MICU3: variants seen among roughly 807,000 people sequenced by gnomAD.
MICU3 encodes the protein calcium uptake protein 3, mitochondrial.
In MICU3, 62 loss-of-function variants were observed where a neutral mutation model predicts 66.5. That is an observed-to-expected ratio of 0.93 (90% confidence interval 0.76 to 1.15). MICU3 has a LOEUF of 1.15. MICU3 is among the 50% of genes most tolerant of loss of function. The pLI, the probability that MICU3 is intolerant of heterozygous loss-of-function variation, is 0.00. For synonymous variants in MICU3, 308 were observed against 240.7 expected, an observed-to-expected ratio of 1.28 and a Z score of -2.59; for missense variants, 779 against 664.4, an observed-to-expected ratio of 1.17 and a Z score of -1.90.
At chr8:17,059,308 T>C (rs906130353) in intron 1 of MICU3, among the ~76,000 whole-genome samples, 2 of 152,198 alleles carry the variant, frequency 1.3e-5, no homozygotes, top group Non-Finnish European at 2.9e-5. Flanking sequence ...CCATTCTAAC[T>C]CTAAACTCAT....
intron 1 of MICU3, among the ~76,000 whole-genome samples, chr8:17,057,372 A>G (rs1817105546): frequency 6.6e-6 from 1 of 152,082 alleles, no homozygotes. Context: ...ATAACAGGCG[A>G]CACCCTGATC....
At chr8:17,039,330 T>C (rs865838073) in intron 1 of MICU3, among the ~76,000 whole-genome samples, 2 of 152,200 alleles carry the variant, frequency 1.3e-5, no homozygotes, top group Non-Finnish European at 2.9e-5. Context: ...AGTATGCCTG[T>C]AAATGGAGAA....
intron 3 of MICU3, among the ~76,000 whole-genome samples, chr8:17,073,880 G>A (rs1394947868): frequency 6.6e-6 from 1 of 152,154 alleles, no homozygotes; most frequent in African/African-American, 2.4e-5. Flanking sequence ...AGAAAACAAG[G>A]TTGAGTAAAA....
At chr8:17,114,455 A>G (rs910676419) in intron 12 of MICU3, among the ~76,000 whole-genome samples, 16 of 152,266 alleles carry the variant, frequency 1.1e-4, no homozygotes, top group African/African-American at 3.6e-4. Context: ...CCCTGTTCTT[A>G]CAGGGTGGTA....
Position 17,027,426 on chromosome 8 carries a change from G to A in MICU3, c.147G>A (p.Glu49=). The change falls in exon 1 of 15, where the codon GAG becomes GAA. Residue 49 remains glutamate (E), a synonymous_variant. Transcript: ENST00000318063. The part of the protein sequence containing the change: ...PGRPFSSRED[E]ERAVAEAAWR... Reference sequence around the variant, plus strand: ...GGCCCTTCTCCTCCCGAGAGGATGAGGAGAGGGCTGTGGCGGAGGCGGCAT... The same window carrying A: ...GGCCCTTCTCCTCCCGAGAGGATGAAGAGAGGGCTGTGGCGGAGGCGGCAT... 1 of 1,349,880 alleles carries A rather than the reference G, an allele frequency of 7.4e-7. No homozygotes were observed. Among genetic ancestry groups the A allele is most frequent in the South Asian group, 2.1e-5 (1 of 48,374 alleles). The allele number at this position is 1,349,880 out of a possible 1,614,324, so 83.6% of individuals were successfully genotyped here. A position where few individuals can be genotyped will look rare whatever the true frequency, so the allele number is the denominator to read the frequency against.
intron 2 of MICU3, among the ~76,000 whole-genome samples, chr8:17,066,072 CTT>C (rs202172944): frequency 4.1e-5 from 6 of 145,252 alleles, no homozygotes; most frequent in Admixed American, 1.4e-4. Context: ...AAGTAGAGTT[CTT>C]TTTTTTTTTA....
chr8:17,124,127 A>G (rs1803341442), downstream of MICU3, among the ~76,000 whole-genome samples: 1 of 152,064 alleles, frequency 6.6e-6, no homozygotes, highest in Non-Finnish European at 1.5e-5. Context: ...CCTACAATGG[A>G]AAAGAAGGAT....
intron 9 of MICU3, among the ~76,000 whole-genome samples, chr8:17,098,889 C>T (rs1238191211): frequency 6.6e-6 from 1 of 151,640 alleles, no homozygotes; most frequent in Non-Finnish European, 1.5e-5. Flanking sequence ...ATACCTGACT[C>T]TTCAGAGTTA....
In MICU3 at chr8:17,105,584, G is replaced by A; in HGVS notation, c.1257G>A (p.Lys419=). Residue 419 remains lysine (K), a splice_region_variant and synonymous_variant, in exon 11 of 15, where the codon AAG becomes AAA. Coordinates refer to ENST00000318063, the MANE Select transcript of MICU3 (RefSeq NM_181723.3). The part of the protein sequence containing the change: ...ENVRYSIPEE[K]GITFDEFRSF... ...TGCGTTACAGTATACCTGAAGAAAA[G>A]GTATCTAATCCTCATATTTAGTTGG... is the stretch of plus-strand genomic sequence containing the variant. 1 of 1,499,084 alleles carries A rather than the reference G, an allele frequency of 6.7e-7. No individual in the cohort carries two copies. Among genetic ancestry groups the A allele is most frequent in the South Asian group, 1.3e-5 (1 of 75,574 alleles). 92.9% of individuals were successfully genotyped at this position (1,499,084 alleles called of 1,614,324 possible).
chr8:17,033,583 C>G (rs963396911), intron 1 of MICU3, among the ~76,000 whole-genome samples: 14 of 151,960 alleles, frequency 9.2e-5, no homozygotes, highest in African/African-American at 3.4e-4. Context: ...ACTGCAGGCT[C>G]CCACCACCAC....
chr8:17,077,527 G>T (rs529825014), intron 3 of MICU3, among the ~76,000 whole-genome samples: 1 of 152,020 alleles, frequency 6.6e-6, no homozygotes, highest in South Asian at 2.1e-4. Context: ...ATAACCTCCC[G>T]TTATTCAACT....
chr8:17,038,971 AT>A (rs1813557454), intron 1 of MICU3, among the ~76,000 whole-genome samples: 6 of 150,822 alleles, frequency 4.0e-5, no homozygotes, highest in African/African-American at 1.5e-4. Flanking sequence ...AAAAAAATAA[AT>A]AAATAATAAA....
At chr8:17,042,271 C>G (rs10104211) in intron 1 of MICU3, among the ~76,000 whole-genome samples, 13,748 of 152,184 alleles carry the variant, frequency 0.09, 2,065 homozygotes, top group African/African-American at 0.31. Flanking sequence ...TTTGTTTAAA[C>G]TTGATAGACA....
intron 2 of MICU3, among the ~76,000 whole-genome samples, chr8:17,067,832 A>T (rs1818952047): frequency 6.6e-6 from 1 of 152,154 alleles, no homozygotes; most frequent in South Asian, 2.1e-4. Context: ...AGTTTTTGAT[A>T]TCATTTTATG....
At chr8:17,056,056 A>G (rs530786136) in intron 1 of MICU3, among the ~76,000 whole-genome samples, 2 of 152,318 alleles carry the variant, frequency 1.3e-5, no homozygotes, top group South Asian at 4.1e-4. Context: ...TTAATAGCTA[A>G]TTGGCTGCTT....
intron 1 of MICU3, among the ~76,000 whole-genome samples, chr8:17,039,771 T>A (rs1813705432): frequency 1.3e-5 from 2 of 152,084 alleles, no homozygotes; most frequent in African/African-American, 4.8e-5. Context: ...TTGGGATCAT[T>A]AAACAATGAT....
intron 9 of MICU3, among the ~76,000 whole-genome samples, chr8:17,099,690 G>A (rs1801090002): frequency 6.6e-6 from 1 of 151,782 alleles, no homozygotes; most frequent in South Asian, 2.1e-4. Flanking sequence ...TATTTTAGAA[G>A]CACTTTATTT....
At chr8:17,099,453 A>G (rs1047965991) in intron 9 of MICU3, among the ~76,000 whole-genome samples, 4 of 151,876 alleles carry the variant, frequency 2.6e-5, no homozygotes, top group South Asian at 4.1e-4. Context: ...CATATATACA[A>G]TGTTACTCTA....
At chr8:17,114,912 G>C (rs1371069026) in intron 12 of MICU3, among the ~76,000 whole-genome samples, 1 of 152,018 alleles carries the variant, frequency 6.6e-6, no homozygotes, top group Non-Finnish European at 1.5e-5. Context: ...GAGGTCAGGA[G>C]ATCGAGACCA....
Sources: allele counts gnomAD v4.1 joint callset (sites outside exome capture counted in the v4.1 genomes callset), GRCh38; gene constraint gnomAD v4.1.1; transcripts MANE v1.5; gene names NCBI Gene and HGNC (gene_info 2026-07-23, HGNC 2026-07-21).